Variants in ATP9B observed in about 807,000 individuals in gnomAD.
ATP9B encodes the protein probable phospholipid-transporting ATPase IIB.
ATP9B carries 110 observed loss-of-function variants against 146.1 expected under a neutral mutation model. The observed-to-expected ratio is 0.75, with a 90% CI of 0.65 to 0.88. The LOEUF (loss-of-function observed/expected upper bound fraction) is 0.88. ATP9B is among the 40% of genes least tolerant of loss of function. The pLI is 0.00. For synonymous variants in ATP9B, 604 were observed against 569.7 expected, an observed-to-expected ratio of 1.06 and a Z score of -0.86; for missense variants, 1,499 against 1,496.4, an observed-to-expected ratio of 1.00 and a Z score of -0.03.
intron 13 of ATP9B, among the ~76,000 whole-genome samples, chr18:79,288,866 A>C (rs2096471386): frequency 6.6e-6 from 1 of 151,552 alleles, no homozygotes; most frequent in African/African-American, 2.4e-5. Flanking sequence ...TTTCTCCTTC[A>C]CTTACGAAGC....
At chr18:79,189,312 A>C (rs554787295) in intron 8 of ATP9B, among the ~76,000 whole-genome samples, 2 of 151,918 alleles carry the variant, frequency 1.3e-5, no homozygotes, top group African/African-American at 2.4e-5. Flanking sequence ...TTGCCGCTGC[A>C]CTCCAGCCTG....
At chr18:79,346,712 C>T (rs1003069506) in intron 23 of ATP9B, among the ~76,000 whole-genome samples, 14 of 152,058 alleles carry the variant, frequency 9.2e-5, no homozygotes, top group Non-Finnish European at 1.5e-4. Context: ...CACGTCAGCA[C>T]GTGCTCAGTG....
rs143060800 is a variant in ATP9B, at chr18:79,282,496, T to G, written c.1411+5300T>G. The stretch of plus-strand genomic sequence containing the variant: ...CCGTCAACATTAAGACAAGACCCTC[T>G]ACCAGCAAAAAGATTAAAAGTTGCT... On this transcript the variant is annotated intron_variant, in intron 13 of 29. Transcript: ENST00000426216. Among the ~76,000 whole-genome samples, 22 of 152,316 alleles carry G rather than the reference T, an allele frequency of 1.4e-4. No homozygotes were observed. The East Asian group carries it at 3.5e-3, about 24-fold the overall frequency.
At chr18:79,258,990 TG>T (rs1199329564) in intron 12 of ATP9B, among the ~76,000 whole-genome samples, 1 of 152,256 alleles carries the variant, frequency 6.6e-6, no homozygotes, top group Non-Finnish European at 1.5e-5. Context: ...GCTTTTGGAT[TG>T]AATAAAGGGT....
At chr18:79,131,998 T>A (rs963534269) in intron 5 of ATP9B, among the ~76,000 whole-genome samples, 2 of 152,246 alleles carry the variant, frequency 1.3e-5, no homozygotes, top group Admixed American at 6.5e-5. Flanking sequence ...GCATTGGGTT[T>A]CCTTTTTTGG....
chr18:79,349,903 C>G (rs543502330), intron 25 of ATP9B, among the ~76,000 whole-genome samples: 1 of 150,056 alleles, frequency 6.7e-6, no homozygotes, highest in Non-Finnish European at 1.5e-5. Flanking sequence ...CACCCCCCCC[C>G]CCACCATGCA....
intron 8 of ATP9B, among the ~76,000 whole-genome samples, chr18:79,183,354 TATTA>T (rs1377733793): frequency 6.6e-6 from 1 of 152,234 alleles, no homozygotes; most frequent in Non-Finnish European, 1.5e-5. Flanking sequence ...ATCTACTGTG[TATTA>T]ATTAATCAAT....
chr18:79,153,848 A>G (rs1422116827), intron 6 of ATP9B, among the ~76,000 whole-genome samples: 2 of 151,434 alleles, frequency 1.3e-5, no homozygotes, highest in Non-Finnish European at 2.9e-5. Flanking sequence ...GAGCTTTGCC[A>G]TGTTGCCTCG....
intron 27 of ATP9B, 99 bp downstream of exon 27, chr18:79,372,981 T>G: frequency 3.7e-6 from 3 of 803,040 alleles, no homozygotes; most frequent in Non-Finnish European, 4.1e-6. Flanking sequence ...TCCAACAGCT[T>G]AAAATGCCAT....
intron 10 of ATP9B, among the ~76,000 whole-genome samples, chr18:79,212,175 C>G (rs1386046374): frequency 6.6e-6 from 1 of 152,134 alleles, no homozygotes; most frequent in Non-Finnish European, 1.5e-5. Context: ...TGCACTGATT[C>G]TAGTTACGTT....
At chr18:79,127,550 T>G (rs1413766172) in intron 5 of ATP9B, among the ~76,000 whole-genome samples, 2 of 152,228 alleles carry the variant, frequency 1.3e-5, no homozygotes, top group African/African-American at 4.8e-5. Context: ...TTCATTTCCT[T>G]TTGCTGCTCA....
intron 11 of ATP9B, among the ~76,000 whole-genome samples, chr18:79,225,700 TTGCAGGGCGGCCA>T (rs1568443004): frequency 2.2e-5 from 3 of 137,586 alleles, no homozygotes; most frequent in African/African-American, 9.0e-5. Flanking sequence ...GGTCCCGCAG[TTGCAGGGCGGCCA>T]CTGTCTTCAG....
chr18:79,069,614 C>G (rs2071465504), intron 1 of ATP9B, 85 bp downstream of exon 1: 2 of 886,768 alleles, frequency 2.3e-6, no homozygotes, highest in African/African-American at 1.8e-5. Context: ...CCGGGCGGGT[C>G]TGGGGTCGCT....
At chr18:79,114,322 AAC>A (rs2094025976) in intron 4 of ATP9B, among the ~76,000 whole-genome samples, 1 of 152,154 alleles carries the variant, frequency 6.6e-6, no homozygotes, top group Non-Finnish European at 1.5e-5. Context: ...CTAGGTAGGA[AAC>A]ACAGAGAGTG....
intron 12 of ATP9B, among the ~76,000 whole-genome samples, chr18:79,270,302 CTG>C (rs907186854): frequency 6.6e-6 from 1 of 150,510 alleles, no homozygotes; most frequent in Non-Finnish European, 1.5e-5. Context: ...TGTGGCAGCT[CTG>C]TGTGTGTGTG....
At chr18:79,216,422 G>C (rs1172889896) in intron 11 of ATP9B, among the ~76,000 whole-genome samples, 1 of 152,184 alleles carries the variant, frequency 6.6e-6, no homozygotes. Context: ...AAGTGGGCTT[G>C]CCAGGAACAA....
intron 23 of ATP9B, 146 bp from the exon 24 acceptor site, chr18:79,347,623 TC>T: frequency 1.1e-6 from 1 of 942,742 alleles, no homozygotes; most frequent in East Asian, 2.8e-5. Context: ...ATAGGACCTG[TC>T]CCCATCGACG....
chr18:79,303,419 T>G (rs1029660774), intron 13 of ATP9B, among the ~76,000 whole-genome samples, 185 bp from the exon 14 acceptor site: 5 of 151,684 alleles, frequency 3.3e-5, no homozygotes, highest in Non-Finnish European at 1.5e-5. Context: ...GGAGAAAATA[T>G]CTTGTTCTTC....
intron 27 of ATP9B, among the ~76,000 whole-genome samples, chr18:79,373,610 CT>C: frequency 6.6e-6 from 1 of 152,134 alleles, no homozygotes; most frequent in East Asian, 1.9e-4. Context: ...CTGCCTCAGC[CT>C]CCCCAGTAGC....
Sources: allele counts gnomAD v4.1 joint callset (sites outside exome capture counted in the v4.1 genomes callset), GRCh38; gene constraint gnomAD v4.1.1; transcripts MANE v1.5; gene names NCBI Gene and HGNC (gene_info 2026-07-23, HGNC 2026-07-21).